HECW2: variants seen among roughly 807,000 people sequenced by gnomAD.
The protein encoded by HECW2 is HECT, C2 and WW domain containing E3 ubiquitin protein ligase 2.
A neutral mutation model predicts 175.2 loss-of-function variants in HECW2; 61 were observed. That is an observed-to-expected ratio of 0.35 (90% CI 0.28 to 0.43). HECW2 has a LOEUF of 0.43. Ranked by LOEUF, HECW2 falls within the 20% of genes least tolerant of loss-of-function variation. The probability of loss-of-function intolerance (pLI) is 1.00; values close to 1 mark genes in which losing one functional copy is unlikely to be tolerated. For synonymous variants in HECW2, 671 were observed against 731.0 expected (o/e 0.92, Z 1.32); for missense variants, 1,524 against 2,000.5 (o/e 0.76, Z 4.54).
intron 28 of HECW2, among the ~76,000 whole-genome samples, chr2:196,208,945 G>C (rs1307971901): frequency 6.6e-6 from 1 of 152,182 alleles, no homozygotes; most frequent in Admixed American, 6.5e-5. Context: ...AGTGCAGAAT[G>C]AATGAATGGT....
chr2:196,335,426 G>A (rs2105806432), intron 3 of HECW2, among the ~76,000 whole-genome samples: 1 of 152,314 alleles, frequency 6.6e-6, no homozygotes, highest in South Asian at 2.1e-4. Flanking sequence ...AATATGCAAG[G>A]ATGCTGATGG....
chr2:196,496,894 T>C (rs188563701), intron 1 of HECW2, among the ~76,000 whole-genome samples: 19 of 152,316 alleles, frequency 1.2e-4, no homozygotes, highest in African/African-American at 4.3e-4. Flanking sequence ...AATTCATTTT[T>C]CCAAACATTA....
chr2:196,408,019 A>G (rs546505540), intron 2 of HECW2, among the ~76,000 whole-genome samples: 1 of 152,342 alleles, frequency 6.6e-6, no homozygotes, highest in Non-Finnish European at 1.5e-5. Flanking sequence ...AAAAGCCCTA[A>G]GTTTCACACC....
chr2:196,516,051 C>T (rs1170908811), intron 1 of HECW2, among the ~76,000 whole-genome samples: 2 of 151,992 alleles, frequency 1.3e-5, no homozygotes, highest in Non-Finnish European at 2.9e-5. Flanking sequence ...GCATGAGCAT[C>T]GCTTGAACCT....
At chr2:196,536,140 G>A (rs1168859375) in intron 1 of HECW2, among the ~76,000 whole-genome samples, 2 of 152,138 alleles carry the variant, frequency 1.3e-5, no homozygotes, top group African/African-American at 2.4e-5. Flanking sequence ...TTTTCTAAAT[G>A]GCCAAGGGTG....
chr2:196,236,889 G>A (rs1395278677), intron 21 of HECW2, among the ~76,000 whole-genome samples: 1 of 152,200 alleles, frequency 6.6e-6, no homozygotes. Context: ...CTACTGTGAA[G>A]TTACTTTGTT....
At chr2:196,570,809 A>G (rs1690357651) in intron 1 of HECW2, among the ~76,000 whole-genome samples, 1 of 152,182 alleles carries the variant, frequency 6.6e-6, no homozygotes, top group South Asian at 2.1e-4. Context: ...AGCTAGTATC[A>G]TGGGACAATA....
intron 1 of HECW2, among the ~76,000 whole-genome samples, chr2:196,479,372 C>G (rs1423215450): frequency 1.3e-5 from 2 of 152,216 alleles, no homozygotes; most frequent in Non-Finnish European, 2.9e-5. Flanking sequence ...CTGAGGCTTT[C>G]ATCAGTAAGG....
intron 3 of HECW2, among the ~76,000 whole-genome samples, chr2:196,339,602 A>G (rs961648423): frequency 2.6e-5 from 4 of 152,224 alleles, no homozygotes; most frequent in Non-Finnish European, 5.9e-5. Context: ...GAGGAGATAG[A>G]TGGACAGATG....
chr2:196,489,295 G>T (rs557918020), intron 1 of HECW2, among the ~76,000 whole-genome samples: 1 of 152,184 alleles, frequency 6.6e-6, no homozygotes, highest in African/African-American at 2.4e-5. Context: ...GAAAGAGAGA[G>T]AGATATATAA....
chr2:196,494,095 G>A (rs1347184484), intron 1 of HECW2, among the ~76,000 whole-genome samples: 2 of 152,192 alleles, frequency 1.3e-5, no homozygotes, highest in African/African-American at 2.4e-5. Context: ...CCAGTAAGGA[G>A]AGGCATTCCA....
intron 2 of HECW2, among the ~76,000 whole-genome samples, chr2:196,372,682 G>A (rs940411886): frequency 2.2e-4 from 33 of 152,210 alleles, no homozygotes; most frequent in African/African-American, 8.0e-4. Context: ...GAGTTAGGAA[G>A]TCAACTATTA....
chr2:196,477,699 G>A (rs1415951214), intron 1 of HECW2, among the ~76,000 whole-genome samples: 1 of 152,160 alleles, frequency 6.6e-6, no homozygotes, highest in Non-Finnish European at 1.5e-5. Context: ...TGGCAGGCTT[G>A]GAAGGAGGCT....
intron 2 of HECW2, among the ~76,000 whole-genome samples, chr2:196,415,180 C>G (rs1695220366): frequency 6.6e-6 from 1 of 152,144 alleles, no homozygotes; most frequent in Non-Finnish European, 1.5e-5. Flanking sequence ...TTCTGGTGAA[C>G]CTGTTATCTT....
intron 6 of HECW2, among the ~76,000 whole-genome samples, chr2:196,323,713 C>T (rs1027809611): frequency 6.6e-6 from 1 of 152,194 alleles, no homozygotes; most frequent in Non-Finnish European, 1.5e-5. Flanking sequence ...TCTCATCCTT[C>T]GTGCCTCCCT....
chr2:196,422,070 T>C (rs941255585), intron 2 of HECW2, among the ~76,000 whole-genome samples: 1 of 152,178 alleles, frequency 6.6e-6, no homozygotes, highest in African/African-American at 2.4e-5. Context: ...GGTCATGCAC[T>C]GTCCTTGGTA....
chr2:196,292,348 G>A (rs1256436115), intron 14 of HECW2: 10 of 469,454 alleles, frequency 2.1e-5, no homozygotes, highest in Non-Finnish European at 3.4e-5. Flanking sequence ...CTTTGCCAGC[G>A]TCACAGCCCT....
intron 2 of HECW2, among the ~76,000 whole-genome samples, chr2:196,426,289 G>T (rs1484718773): frequency 6.6e-6 from 1 of 152,108 alleles, no homozygotes; most frequent in Non-Finnish European, 1.5e-5. Context: ...TGGGGATCCA[G>T]AACCGAAACC....
At chr2:196,452,096 T>C (rs1026604862) in intron 1 of HECW2, among the ~76,000 whole-genome samples, 1 of 152,172 alleles carries the variant, frequency 6.6e-6, no homozygotes, top group Non-Finnish European at 1.5e-5. Context: ...AGCTCAGTAA[T>C]GGTACAACAC....
Sources: allele counts gnomAD v4.1 joint callset (sites outside exome capture counted in the v4.1 genomes callset), GRCh38; gene constraint gnomAD v4.1.1; transcripts MANE v1.5; gene names NCBI Gene and HGNC (gene_info 2026-07-23, HGNC 2026-07-21).